STXBP5L: variants seen among roughly 807,000 people sequenced by gnomAD.
The protein encoded by STXBP5L is syntaxin-binding protein 5-like.
STXBP5L carries 65 observed loss-of-function variants against 144.5 expected under a neutral mutation model. That is an observed-to-expected ratio of 0.45 (90% CI 0.37 to 0.55). STXBP5L has a LOEUF of 0.55. Among genes scored for constraint, STXBP5L ranks in the 20% least tolerant of loss-of-function variants. The pLI, the probability that STXBP5L is intolerant of heterozygous loss-of-function variation, is 0.00. For synonymous variants in STXBP5L, 505 were observed against 469.6 expected (o/e 1.08, Z -0.97); for missense variants, 1,298 against 1,405.5 (o/e 0.92, Z 1.22).
chr3:120,974,140 T>G (rs921059934), intron 3 of STXBP5L, among the ~76,000 whole-genome samples: 1 of 152,180 alleles, frequency 6.6e-6, no homozygotes, highest in Non-Finnish European at 1.5e-5. Flanking sequence ...ATGGTTGAAC[T>G]AGTTTACAGT....
At chr3:121,121,785 T>C in intron 7 of STXBP5L, 81 bp downstream of exon 7, 1 of 991,996 alleles carries the variant, frequency 1.0e-6, no homozygotes. Flanking sequence ...ATTTTATATC[T>C]AGTATCTAGC....
chr3:121,213,540 C>A (rs1382213954), intron 10 of STXBP5L, among the ~76,000 whole-genome samples: 1 of 152,162 alleles, frequency 6.6e-6, no homozygotes, highest in South Asian at 2.1e-4. Context: ...ATTGAATCAA[C>A]CTTGCATCCC....
At chr3:121,104,957 T>C (rs2043620734) in intron 5 of STXBP5L, among the ~76,000 whole-genome samples, 1 of 151,200 alleles carries the variant, frequency 6.6e-6, no homozygotes, top group Non-Finnish European at 1.5e-5. Context: ...ACCCACAGAG[T>C]GGGAGAAAAT....
chr3:121,343,110 T>C (rs1474412950), intron 20 of STXBP5L, among the ~76,000 whole-genome samples: 4 of 152,180 alleles, frequency 2.6e-5, no homozygotes. Context: ...ATGGTGAGCA[T>C]TTTTTCCTGT....
chr3:121,406,484 G>A (rs143285940), intron 22 of STXBP5L, among the ~76,000 whole-genome samples: 1 of 151,982 alleles, frequency 6.6e-6, no homozygotes, highest in African/African-American at 2.4e-5. Flanking sequence ...AATATCCAAA[G>A]ATCAATAGAG....
chr3:121,355,513 C>G lies in STXBP5L; in HGVS notation c.2177-23203C>G, dbSNP rs114518927. On this transcript the variant is annotated intron_variant, in intron 20 of 26. Coordinates refer to ENST00000471454, the MANE Select transcript of STXBP5L (RefSeq NM_001308330.2). ...TCTTGTGCATGCATCACGAATTTCT[C>G]GTGCCATGGTTTTCAGCTCCATGAG... Among the ~76,000 whole-genome samples the G allele has an allele frequency of 4.3e-3, 648 of 152,262 alleles. 5 individuals carry two copies. Among genetic ancestry groups the G allele is most frequent in the African/African-American group, 0.015 (617 of 41,552 alleles).
At chr3:121,130,904 C>G (rs895529551) in intron 7 of STXBP5L, among the ~76,000 whole-genome samples, 41 of 151,650 alleles carry the variant, frequency 2.7e-4, no homozygotes, top group African/African-American at 9.7e-4. Flanking sequence ...AAATAATTAT[C>G]AAAAACAATT....
chr3:121,158,838 CT>C (rs2046212274), intron 9 of STXBP5L: 2 of 152,074 alleles, frequency 1.3e-5, no homozygotes. Flanking sequence ...TCTATTAGTT[CT>C]TTTGGCTAGA....
rs1196169894 is a variant in STXBP5L at position 121,418,498 on chromosome 3, G to C, written c.3388G>C (p.Glu1130Gln). 1.2e-6 allele frequency: 2 copies of C among 1,614,062 alleles called. No homozygotes were observed. Among genetic ancestry groups the C allele is most frequent in the Non-Finnish European group, 1.7e-6 (2 of 1,179,966 alleles). Residue 1130 changes from glutamate to glutamine, a missense_variant, in exon 26 of 27, where the codon GAA (glutamate) becomes CAA (glutamine). Transcript: ENST00000471454. ...DERGQRLGELEEKTAGMMTSA... is the reference protein window; with the variant it reads ...DERGQRLGELQEKTAGMMTSA... ...AAGAGGACAGAGGCTAGGAGAGCTGGAAGAGAAAACTGCAGGCATGATGAC... is the reference window on the plus strand; with the variant it reads ...AAGAGGACAGAGGCTAGGAGAGCTGCAAGAGAAAACTGCAGGCATGATGAC...
At chr3:121,118,880 G>C (rs772063065) in intron 6 of STXBP5L, among the ~76,000 whole-genome samples, 5 of 151,508 alleles carry the variant, frequency 3.3e-5, no homozygotes, top group Admixed American at 1.3e-4. Context: ...AAAATAATAA[G>C]TTCAATTTTA....
intron 9 of STXBP5L, among the ~76,000 whole-genome samples, chr3:121,196,380 C>T (rs1281548120): frequency 2.6e-5 from 4 of 151,950 alleles, no homozygotes; most frequent in Non-Finnish European, 5.9e-5. Context: ...CTCAGGTAAT[C>T]CACCTGCCTC....
chr3:121,209,134 G>A (rs2048455816), intron 10 of STXBP5L, among the ~76,000 whole-genome samples: 2 of 152,130 alleles, frequency 1.3e-5, no homozygotes, highest in East Asian at 3.9e-4. Flanking sequence ...TTATTCCATG[G>A]TGTATATGTG....
intron 5 of STXBP5L, among the ~76,000 whole-genome samples, chr3:121,067,495 T>C (rs2041603863): frequency 6.6e-6 from 1 of 152,152 alleles, no homozygotes; most frequent in African/African-American, 2.4e-5. Context: ...TAGTATATGG[T>C]TTTAGCTTCT....
At position 121,080,649 on chromosome 3, in the gene STXBP5L, C is replaced by T. The variant is rs185479911; in HGVS notation, c.471-34276C>T. Reference sequence around the variant, plus strand: ...TGTTTAAGGAGGTGGAAGATGGGACCACAATCCCTTCTGGCTTGAATCCCT... The same window carrying T: ...TGTTTAAGGAGGTGGAAGATGGGACTACAATCCCTTCTGGCTTGAATCCCT... On this transcript the variant is annotated intron_variant, in intron 5 of 26. Transcript: ENST00000471454. Among the ~76,000 whole-genome samples the T allele has an allele frequency of 1.4e-4, 21 of 152,274 alleles. No homozygotes were observed. In the East Asian group the frequency reaches 3.3e-3, roughly 24 times the overall value.
intron 11 of STXBP5L, among the ~76,000 whole-genome samples, chr3:121,223,694 A>C (rs2049037773): frequency 6.6e-6 from 1 of 152,170 alleles, no homozygotes; most frequent in Admixed American, 6.6e-5. Flanking sequence ...TGGGAGGAGA[A>C]ATGCTTATAT....
chr3:121,388,360 T>A (rs2046482852), intron 22 of STXBP5L, among the ~76,000 whole-genome samples: 1 of 152,194 alleles, frequency 6.6e-6, no homozygotes, highest in South Asian at 2.1e-4. Flanking sequence ...CAATTTAACT[T>A]CCTTTTTTCC....
At chr3:120,983,758 C>T (rs1942027957) in intron 3 of STXBP5L, among the ~76,000 whole-genome samples, 2 of 152,154 alleles carry the variant, frequency 1.3e-5, no homozygotes, top group South Asian at 4.1e-4. Flanking sequence ...TCACACCTAT[C>T]CCAGCCCAGT....
At chr3:121,007,709 G>T (rs916121005) in intron 3 of STXBP5L, among the ~76,000 whole-genome samples, 2 of 151,962 alleles carry the variant, frequency 1.3e-5, no homozygotes, top group Admixed American at 6.6e-5. Flanking sequence ...AGCATCAGTG[G>T]TTAGAGAAAG....
At chr3:121,104,785 C>T (rs1462441918) in intron 5 of STXBP5L, among the ~76,000 whole-genome samples, 9 of 152,044 alleles carry the variant, frequency 5.9e-5, no homozygotes, top group African/African-American at 1.9e-4. Context: ...CCTGAAACCA[C>T]AAAAATCCTA....
Sources: gnomAD v4.1 joint callset for allele counts (sites outside exome capture counted in the v4.1 genomes callset) on GRCh38, gnomAD v4.1.1 for gene constraint, MANE v1.5 for transcripts, NCBI Gene and HGNC (gene_info 2026-07-23, HGNC 2026-07-21) for gene names.